The following TRMT11 variants were observed in gnomAD, a reference collection of about 807,000 sequenced individuals.
TRMT11 encodes tRNA methyltransferase 11, also known as tRNA (guanine(10)-N(2))-methyltransferase TRMT11.
A neutral mutation model predicts 62.8 loss-of-function variants in TRMT11; 53 were observed. The observed-to-expected ratio is 0.84, with a 90% confidence interval of 0.68 to 1.06. The LOEUF (loss-of-function observed/expected upper bound fraction) is 1.06, where lower values mean the gene tolerates loss of function less well. Among genes scored for constraint, TRMT11 ranks in the 50% least tolerant of loss-of-function variants. The probability of loss-of-function intolerance (pLI) is 0.00; values close to 1 mark genes in which losing one functional copy is unlikely to be tolerated. For missense variants in TRMT11, 556 were observed against 553.4 expected (o/e 1.00, Z -0.05); for synonymous variants, 188 against 190.3 (o/e 0.99, Z 0.10).
At chr6:126,061,681 C>T (rs1222186949) in intron 17 of TRMT11, among the ~76,000 whole-genome samples, 1 of 152,082 alleles carries the variant, frequency 6.6e-6, no homozygotes, top group Non-Finnish European at 1.5e-5. Context: ...CAGAAGCCAG[C>T]AGGCTGGTGG....
chr6:125,996,542 CT>C (rs201459307), intron 3 of TRMT11, among the ~76,000 whole-genome samples: 1,907 of 152,140 alleles, frequency 0.013, 43 homozygotes, highest in African/African-American at 0.041. Context: ...ATTGTTTATC[CT>C]CAGTGTTTCT....
chr6:126,221,288 T>C, the TRMT11 span, among the ~76,000 whole-genome samples: 2 of 152,220 alleles, frequency 1.3e-5, no homozygotes, highest in African/African-American at 4.8e-5. Context: ...GTAATGGGAT[T>C]GCTGGGTTGA....
chr6:126,011,624 A>T (rs1429423090), intron 9 of TRMT11, among the ~76,000 whole-genome samples: 5 of 152,142 alleles, frequency 3.3e-5, no homozygotes, highest in African/African-American at 1.2e-4. Context: ...TTTTTTAAAC[A>T]AATATATTGG....
intron 21 of TRMT11, among the ~76,000 whole-genome samples, chr6:126,158,776 C>A (rs1778150799): frequency 6.6e-6 from 1 of 152,178 alleles, no homozygotes; most frequent in Non-Finnish European, 1.5e-5. Context: ...CTATCTCCCA[C>A]CTGCTTTTGT....
At chr6:126,197,823 A>G (rs1029743232) in intron 1 of TRMT11, among the ~76,000 whole-genome samples, 1 of 152,148 alleles carries the variant, frequency 6.6e-6, no homozygotes, top group African/African-American at 2.4e-5. Context: ...AGCTATCACA[A>G]TCCTGATCCC....
chr6:126,254,472 T>C, the TRMT11 span, among the ~76,000 whole-genome samples: 1 of 152,242 alleles, frequency 6.6e-6, no homozygotes, highest in African/African-American at 2.4e-5. Context: ...GTGCTGGAGA[T>C]TACAAATAGA....
At chr6:126,200,970 T>C (rs1778728803) in intron 3 of TRMT11, among the ~76,000 whole-genome samples, 1 of 152,206 alleles carries the variant, frequency 6.6e-6, no homozygotes, top group South Asian at 2.1e-4. Context: ...CAAATATTTT[T>C]GAAGCATTTA....
chr6:126,146,687 C>G (rs1055911293), intron 21 of TRMT11, among the ~76,000 whole-genome samples: 1 of 151,906 alleles, frequency 6.6e-6, no homozygotes, highest in Admixed American at 6.6e-5. Flanking sequence ...CCGCTAATTT[C>G]TTGTATTTTT....
chr6:126,013,290 T>C (rs1794517579), intron 11 of TRMT11, among the ~76,000 whole-genome samples, 189 bp downstream of exon 11: 1 of 152,110 alleles, frequency 6.6e-6, no homozygotes, highest in South Asian at 2.1e-4. Context: ...AAGGTCTTGC[T>C]CTGTCACCCA....
At chr6:126,203,337 A>G (rs1235335981), downstream of TRMT11, among the ~76,000 whole-genome samples, 1 of 152,246 alleles carries the variant, frequency 6.6e-6, no homozygotes. Context: ...AAGTTGGAAG[A>G]GACCACTTAG....
chr6:126,141,468 A>G (rs1003442491), intron 21 of TRMT11, among the ~76,000 whole-genome samples: 5 of 152,148 alleles, frequency 3.3e-5, no homozygotes, highest in African/African-American at 1.2e-4. Context: ...ATATCATTCA[A>G]GCATGAATAT....
chr6:126,256,523 C>G, the TRMT11 span, among the ~76,000 whole-genome samples: 2 of 152,180 alleles, frequency 1.3e-5, no homozygotes, highest in Admixed American at 6.5e-5. Flanking sequence ...TCAAGTACAG[C>G]TCTTCAAACA....
chr6:126,019,574 T>A (rs1795511212), intron 11 of TRMT11, among the ~76,000 whole-genome samples: 1 of 152,142 alleles, frequency 6.6e-6, no homozygotes, highest in Non-Finnish European at 1.5e-5. Context: ...GTAAAAAATT[T>A]TTTTCCTTTA....
chr6:126,071,652 T>C (rs1262523330), intron 17 of TRMT11, among the ~76,000 whole-genome samples: 2 of 151,834 alleles, frequency 1.3e-5, no homozygotes, highest in African/African-American at 2.4e-5. Flanking sequence ...TGGGTTTGCT[T>C]TGCTTTTTTT....
chr6:126,241,481 G>A, the TRMT11 span, among the ~76,000 whole-genome samples: 1 of 152,082 alleles, frequency 6.6e-6, no homozygotes, highest in Non-Finnish European at 1.5e-5. Context: ...GCCTGGCAGA[G>A]ACACAACAAA....
At position 126,147,333 on chromosome 6, in the gene TRMT11, C is replaced by T. The variant is rs1777985609; in HGVS notation, c.*1824-27492C>T. The stretch of plus-strand genomic sequence containing the variant: ...CCTGTGCCAAAATAATAAACATGCT[C>T]ATGATGTCATGTCACTTTAAATCTC... On this transcript the variant is annotated intron_variant and NMD_transcript_variant, in intron 21 of 22. Coordinates refer to the TRMT11 transcript ENST00000648977. 2.0e-5 allele frequency among the ~76,000 whole-genome samples: 3 copies of T among 152,264 alleles called. No individual in the cohort carries two copies. The South Asian group carries it at 6.2e-4, about 32-fold the overall frequency.
intron 12 of TRMT11, among the ~76,000 whole-genome samples, chr6:126,032,208 C>G (rs1463062713): frequency 1.3e-5 from 2 of 152,200 alleles, no homozygotes; most frequent in African/African-American, 2.4e-5. Context: ...CAGTTTCTCC[C>G]TCCATTCCAT....
chr6:126,010,836 C>G (rs1583699591), intron 8 of TRMT11, among the ~76,000 whole-genome samples: 1 of 152,072 alleles, frequency 6.6e-6, no homozygotes, highest in Non-Finnish European at 1.5e-5. Flanking sequence ...CATTTTGCCT[C>G]CCTTCCTCAT....
chr6:126,217,082 G>C, the TRMT11 span, among the ~76,000 whole-genome samples: 1 of 152,140 alleles, frequency 6.6e-6, no homozygotes, highest in East Asian at 1.9e-4. Context: ...ATTGCTGCTT[G>C]ATTCTTTTTA....
Sources: allele counts gnomAD v4.1 joint callset (sites outside exome capture counted in the v4.1 genomes callset), GRCh38; gene constraint gnomAD v4.1.1; transcripts MANE v1.5; gene names NCBI Gene and HGNC (gene_info 2026-07-23, HGNC 2026-07-21).